Variants in ZNF229 observed in about 807,000 individuals in gnomAD.
The protein encoded by ZNF229 is zinc finger protein 229.
In ZNF229, 10 loss-of-function variants were observed where a neutral mutation model predicts 11.8. That is an observed-to-expected ratio of 0.85 (90% confidence interval 0.52 to 1.44). The LOEUF (loss-of-function observed/expected upper bound fraction) is 1.44. ZNF229 is among the 40% of genes most tolerant of loss of function. The pLI is 0.00. For synonymous variants in ZNF229, 368 were observed against 374.8 expected, an observed-to-expected ratio of 0.98 and a Z score of 0.21; for missense variants, 1,045 against 1,015.1, an observed-to-expected ratio of 1.03 and a Z score of -0.40.
chr19:44,435,659 T>C (rs1443462003), intron 4 of ZNF229, among the ~76,000 whole-genome samples: 1 of 152,224 alleles, frequency 6.6e-6, no homozygotes, highest in Non-Finnish European at 1.5e-5. Context: ...AACCATATTG[T>C]TTGCAGACAG....
Position 44,430,570 on chromosome 19 carries a change from G to A in ZNF229, c.239-28C>T, listed in dbSNP as rs1207900201. The stretch of plus-strand genomic sequence containing the variant: ...ATGAGGTTAAAGACAATTCAGAGAT[G>A]AGAACTAGTAAAAGACTGGCTCAGG... On this transcript the variant is annotated intron_variant, in intron 5 of 5. Coordinates refer to ENST00000614049, the MANE Select transcript of ZNF229 (RefSeq NM_014518.4). 3 of 1,579,246 alleles carry A rather than the reference G, an allele frequency of 1.9e-6. No individual in the cohort carries two copies. The Admixed American group carries it at 5.4e-5, about 28-fold the overall frequency.
At position 44,429,034 on chromosome 19, in the gene ZNF229, G is replaced by A. The variant is rs370451566; in HGVS notation, c.1747C>T (p.Arg583Trp). 54 of 1,611,480 alleles carry A rather than the reference G, an allele frequency of 3.4e-5. No individual in the cohort carries two copies. Among genetic ancestry groups the A allele is most frequent in the Non-Finnish European group, 3.9e-5 (46 of 1,179,366 alleles). Reference sequence around the variant, plus strand: ...TGGTGGCTGTGAAGGTCTGAATTCCGCCGGAAGCCCTTCCCACACTCACTG... The same window carrying A: ...TGGTGGCTGTGAAGGTCTGAATTCCACCGGAAGCCCTTCCCACACTCACTG... ...KCSECGKGFR[R>W]NSDLHSHQRV... The change falls in exon 6 of 6, where the codon CGG becomes TGG. Residue 583 changes from arginine (R) to tryptophan (W), a missense_variant. By Grantham distance (101) the Arg-to-Trp change is moderately radical (BLOSUM62 -3). Transcript: ENST00000614049.
intron 4 of ZNF229, among the ~76,000 whole-genome samples, chr19:44,435,259 T>C (rs962056289): frequency 6.6e-5 from 10 of 152,362 alleles, no homozygotes; most frequent in Non-Finnish European, 1.0e-4. Flanking sequence ...TAGAGTTTCA[T>C]GGAGCTAGTA....
At chr19:44,448,502 A>G (rs1485366686), upstream of ZNF229, 1 of 151,900 alleles carries the variant, frequency 6.6e-6, no homozygotes, top group African/African-American at 2.4e-5. Flanking sequence ...GAAGTAGTCG[A>G]CTCGAGGTGT....
intron 4 of ZNF229, among the ~76,000 whole-genome samples, chr19:44,441,104 C>A (rs1469567794): frequency 6.6e-6 from 1 of 152,018 alleles, no homozygotes; most frequent in Non-Finnish European, 1.5e-5. Context: ...CATCCAAAGT[C>A]TTTGTAGATG....
At chr19:44,445,975 G>A (rs1971996652) in intron 2 of ZNF229, among the ~76,000 whole-genome samples, 1 of 152,162 alleles carries the variant, frequency 6.6e-6, no homozygotes, top group Admixed American at 6.5e-5. Flanking sequence ...AGAGTGAACA[G>A]GGCAGACAAC....
chr19:44,444,764 C>T (rs1971976412), intron 2 of ZNF229, among the ~76,000 whole-genome samples: 1 of 152,194 alleles, frequency 6.6e-6, no homozygotes, highest in Admixed American at 6.5e-5. Context: ...GGGGCCACAC[C>T]TGAAGCAAAC....
chr19:44,438,679 C>G (rs758654481), intron 4 of ZNF229, among the ~76,000 whole-genome samples: 1 of 152,104 alleles, frequency 6.6e-6, no homozygotes, highest in Non-Finnish European at 1.5e-5. Context: ...TCCCCCTCCC[C>G]CAACCTCCAG....
At position 44,442,931 on chromosome 19, in the gene ZNF229, G is replaced by C. The variant is rs971546854; in HGVS notation, c.-84C>G. The C allele has an allele frequency of 6.5e-7, 1 of 1,530,186 alleles. No homozygotes were observed. Among genetic ancestry groups the C allele is most frequent in the Non-Finnish European group, 9.0e-7 (1 of 1,105,256 alleles). The allele number at this position is 1,530,186 out of a possible 1,614,324, so 94.8% of individuals were successfully genotyped here. On this transcript the variant is annotated 5_prime_UTR_variant, in exon 3 of 6. Transcript: ENST00000614049. ...CTAAGCTGGAGACGCAGAAGATCCAGGCCTTTTTCATTCCGGAAACTCTCC... is the reference window on the plus strand; with the variant it reads ...CTAAGCTGGAGACGCAGAAGATCCACGCCTTTTTCATTCCGGAAACTCTCC...
intron 5 of ZNF229, chr19:44,431,944 C>T: frequency 1.6e-6 from 1 of 623,586 alleles, no homozygotes; most frequent in Non-Finnish European, 2.1e-6. Context: ...AACAGATGCC[C>T]AGAGAGCTCT....
chr19:44,431,565 T>G (rs1037718696), intron 5 of ZNF229, among the ~76,000 whole-genome samples: 3 of 152,118 alleles, frequency 2.0e-5, no homozygotes, highest in African/African-American at 7.2e-5. Flanking sequence ...GGGTATGATA[T>G]TCTGTGAAAG....
chr19:44,430,160 G>A lies in ZNF229; in HGVS notation c.621C>T (p.Asp207=). Residue 207 remains aspartate (D), a synonymous_variant, in exon 6 of 6, where the codon GAC becomes GAT. Coordinates refer to ENST00000614049, the MANE Select transcript of ZNF229 (RefSeq NM_014518.4). ...GDVQERCKNL[D]TEDTVYKCNW... is the part of the protein sequence containing the mutation. ...TACATTTATATACTGTGTCTTCTGT[G>A]TCGAGATTTTTACATCTTTCTTGAA... is the stretch of plus-strand genomic sequence containing the variant. 1 of 1,614,086 alleles carries A rather than the reference G, an allele frequency of 6.2e-7. No homozygotes were observed. Among genetic ancestry groups the A allele is most frequent in the South Asian group, 1.1e-5 (1 of 91,080 alleles).
At chr19:44,439,850 G>A (rs1344767985) in intron 4 of ZNF229, among the ~76,000 whole-genome samples, 1 of 152,106 alleles carries the variant, frequency 6.6e-6, no homozygotes, top group African/African-American at 2.4e-5. Flanking sequence ...GACAGTTGGG[G>A]GAACCTAATT....
Position 44,426,803 on chromosome 19 carries a change from T to C in ZNF229, c.*1500A>G, listed in dbSNP as rs941596205. 20 of 152,218 alleles carry C rather than the reference T, an allele frequency of 1.3e-4. No homozygotes were observed. Among genetic ancestry groups the C allele is most frequent in the African/African-American group, 4.8e-4 (20 of 41,430 alleles). 9.4% of individuals were successfully genotyped at this position (152,218 alleles called of 1,614,324 possible). On this transcript the variant is annotated 3_prime_UTR_variant, in exon 6 of 6. Transcript: ENST00000614049. ...ACTTCAAAGGTTATAGAAATTGAAT[T>C]GATACGTTAATGAATTCTTTTGAAA...
At position 44,429,378 on chromosome 19, in the gene ZNF229, T is replaced by C. The variant is rs201756826; in HGVS notation, c.1403A>G (p.Lys468Arg). The C allele has an allele frequency of 9.9e-6, 16 of 1,614,122 alleles. No individual in the cohort carries two copies. The East Asian group carries it at 3.3e-4, about 34-fold the overall frequency. The change falls in exon 6 of 6, where the codon AAG (lysine) becomes AGG (arginine). Residue 468 changes from lysine (K) to arginine (R), a missense_variant. Coordinates refer to ENST00000614049, the MANE Select transcript of ZNF229 (RefSeq NM_014518.4). ...EKPYSCGECGKGFSCSSHLSS... is the reference protein window; with the variant it reads ...EKPYSCGECGRGFSCSSHLSS... The stretch of plus-strand genomic sequence containing the variant: ...GAGGTGGGAGCTGCAGCTGAATCCC[T>C]TTCCACACTCGCCACAGCTGTAGGG...
At chr19:44,437,859 A>G (rs1309834371) in intron 4 of ZNF229, among the ~76,000 whole-genome samples, 1 of 152,230 alleles carries the variant, frequency 6.6e-6, no homozygotes, top group Non-Finnish European at 1.5e-5. Context: ...AAGCAAAGTA[A>G]TGCAGGAACA....
In ZNF229 at chr19:44,448,377, A is replaced by G. The variant is rs972478438; in HGVS notation, c.-334T>C. 2.0e-5 allele frequency: 3 copies of G among 152,288 alleles called. No individual in the cohort carries two copies. The highest frequency in any genetic ancestry group is 7.2e-5 in the African/African-American group (3 of 41,436). 9.4% of individuals were successfully genotyped at this position (152,288 alleles called of 1,614,324 possible). ...CACGTTGTCCCTTCACACTGGTCCT[A>G]TAGAGCCGATCCTAATTCCCATGGC... On this transcript the variant is annotated 5_prime_UTR_variant, in exon 1 of 6. Coordinates refer to ENST00000614049, the MANE Select transcript of ZNF229 (RefSeq NM_014518.4).
At position 44,432,214 on chromosome 19, in the gene ZNF229, C is replaced by G; in HGVS notation, c.238+8G>C. The G allele has an allele frequency of 6.2e-7, 1 of 1,604,552 alleles. No homozygotes were observed. Among genetic ancestry groups the G allele is most frequent in the African/African-American group, 1.3e-5 (1 of 74,202 alleles). On this transcript the variant is annotated splice_region_variant and intron_variant, in intron 5 of 5. Coordinates refer to ENST00000614049, the MANE Select transcript of ZNF229 (RefSeq NM_014518.4). The stretch of plus-strand genomic sequence containing the variant: ...CAAGAACACTCCAAGAAGTTCAGTT[C>G]CAATTACCCAGAGGATTCCTCTCAC...
intron 4 of ZNF229, among the ~76,000 whole-genome samples, chr19:44,434,726 A>C (rs1406180164): frequency 6.6e-6 from 1 of 152,182 alleles, no homozygotes; most frequent in Non-Finnish European, 1.5e-5. Flanking sequence ...AATGAGATGA[A>C]TGCTTTCACT....
Sources: gnomAD v4.1 joint callset for allele counts (sites outside exome capture counted in the v4.1 genomes callset) on GRCh38, gnomAD v4.1.1 for gene constraint, MANE v1.5 for transcripts, NCBI Gene and HGNC (gene_info 2026-07-23, HGNC 2026-07-21) for gene names.